Variants in SLC4A10 observed in about 807,000 individuals in gnomAD.
SLC4A10 encodes solute carrier family 4 member 10, also known as sodium-driven chloride bicarbonate exchanger.
In SLC4A10, 42 loss-of-function variants were observed where a neutral mutation model predicts 137.7. That is an observed-to-expected ratio of 0.30 (90% CI 0.24 to 0.39). The LOEUF is 0.39. Ranked by LOEUF, SLC4A10 falls within the 10% of genes least tolerant of loss-of-function variation. The pLI, the probability that SLC4A10 is intolerant of heterozygous loss-of-function variation, is 1.00. For missense variants in SLC4A10, 925 were observed against 1,355.0 expected (o/e 0.68, Z 4.98); for synonymous variants, 474 against 464.1 (o/e 1.02, Z -0.27).
At chr2:161,730,077 C>T (rs1352485349) in intron 1 of SLC4A10, among the ~76,000 whole-genome samples, 1 of 152,080 alleles carries the variant, frequency 6.6e-6, no homozygotes, top group Non-Finnish European at 1.5e-5. Context: ...AGCATTTTAG[C>T]CTCAGGTCTA....
At chr2:161,809,116 G>A (rs1387332680) in intron 3 of SLC4A10, among the ~76,000 whole-genome samples, 2 of 152,102 alleles carry the variant, frequency 1.3e-5, no homozygotes, top group African/African-American at 4.8e-5. Flanking sequence ...TCTGACTGGT[G>A]TGACATGGTA....
chr2:161,964,444 A>G, intron 22 of SLC4A10, 136 bp downstream of exon 22: 1 of 898,202 alleles, frequency 1.1e-6, no homozygotes, highest in Non-Finnish European at 1.7e-6. Context: ...TGGCACTGAA[A>G]GTGTGACTAA....
At chr2:161,956,785 G>T (rs756952627) in intron 19 of SLC4A10, among the ~76,000 whole-genome samples, 11 of 152,188 alleles carry the variant, frequency 7.2e-5, no homozygotes, top group African/African-American at 9.7e-5. Context: ...TAGGCTCCAT[G>T]ATATTATTTT....
At chr2:161,953,479 G>A (rs549025476) in intron 19 of SLC4A10, among the ~76,000 whole-genome samples, 2 of 152,092 alleles carry the variant, frequency 1.3e-5, no homozygotes, top group South Asian at 2.1e-4. Flanking sequence ...GTAGTGGCGG[G>A]CACCTGTAAT....
At chr2:161,807,763 G>C (rs1052698275) in intron 3 of SLC4A10, among the ~76,000 whole-genome samples, 3 of 151,948 alleles carry the variant, frequency 2.0e-5, no homozygotes, top group Non-Finnish European at 4.4e-5. Flanking sequence ...TTAATAGGAA[G>C]CAGCATTTTA....
At chr2:161,942,641 T>C (rs1692925118) in intron 15 of SLC4A10, 151 bp from the exon 16 acceptor site, 2 of 583,102 alleles carry the variant, frequency 3.4e-6, no homozygotes, top group Admixed American at 5.5e-5. Context: ...TTGAAAATAG[T>C]CTGTTGTGGA....
At chr2:161,769,811 A>G (rs1446344276) in intron 1 of SLC4A10, among the ~76,000 whole-genome samples, 2 of 151,770 alleles carry the variant, frequency 1.3e-5, no homozygotes, top group Non-Finnish European at 2.9e-5. Flanking sequence ...TCTTAAATTA[A>G]CAGTAATTTC....
intron 1 of SLC4A10, among the ~76,000 whole-genome samples, chr2:161,654,543 G>A (rs2037248956): frequency 6.6e-6 from 1 of 152,010 alleles, no homozygotes; most frequent in South Asian, 2.1e-4. Context: ...CATCCATTTT[G>A]AGTAAATTTT....
intron 15 of SLC4A10, among the ~76,000 whole-genome samples, chr2:161,941,696 A>T (rs1165785344): frequency 2.6e-5 from 4 of 152,164 alleles, no homozygotes; most frequent in Non-Finnish European, 5.9e-5. Context: ...GCAGCGTAAC[A>T]TGGTTGGTTG....
At chr2:161,750,067 C>CT (rs1435378504) in intron 1 of SLC4A10, among the ~76,000 whole-genome samples, 1 of 151,490 alleles carries the variant, frequency 6.6e-6, no homozygotes, top group African/African-American at 2.4e-5. Flanking sequence ...ACTTGTGATC[C>CT]TTTTTATTTC....
chr2:161,639,919 G>A (rs1440542724), intron 1 of SLC4A10, among the ~76,000 whole-genome samples: 2 of 152,174 alleles, frequency 1.3e-5, no homozygotes, highest in Non-Finnish European at 2.9e-5. Flanking sequence ...CATAAGTGCA[G>A]TAAAATTGCA....
chr2:161,913,961 T>C (rs752076978), intron 15 of SLC4A10, among the ~76,000 whole-genome samples: 17 of 152,230 alleles, frequency 1.1e-4, no homozygotes, highest in Non-Finnish European at 1.9e-4. Flanking sequence ...ATCTCTACTC[T>C]GCTGGATGAT....
At chr2:161,884,516 C>T (rs1294566073) in intron 10 of SLC4A10, among the ~76,000 whole-genome samples, 2 of 152,162 alleles carry the variant, frequency 1.3e-5, no homozygotes, top group Non-Finnish European at 2.9e-5. Context: ...AGAGAAGGGG[C>T]TTCCACCTAT....
intron 15 of SLC4A10, among the ~76,000 whole-genome samples, chr2:161,908,533 A>C (rs1483086275): frequency 1.3e-5 from 2 of 151,208 alleles, no homozygotes; most frequent in Non-Finnish European, 3.0e-5. Flanking sequence ...ACATGTATAC[A>C]TATGTAACAA....
chr2:161,726,200 C>A (rs1372397845), intron 1 of SLC4A10, among the ~76,000 whole-genome samples: 1 of 152,040 alleles, frequency 6.6e-6, no homozygotes, highest in Admixed American at 6.6e-5. Flanking sequence ...AGAAAAATAA[C>A]AATTACAATG....
At chr2:161,895,612 G>C (rs1248509695) in intron 11 of SLC4A10, among the ~76,000 whole-genome samples, 1 of 152,090 alleles carries the variant, frequency 6.6e-6, no homozygotes, top group Non-Finnish European at 1.5e-5. Flanking sequence ...ATTCTAACTG[G>C]TGTGAGATGG....
intron 2 of SLC4A10, among the ~76,000 whole-genome samples, chr2:161,781,122 T>G (rs1365345243): frequency 6.6e-6 from 1 of 152,040 alleles, no homozygotes; most frequent in Non-Finnish European, 1.5e-5. Flanking sequence ...AATAGTATCT[T>G]GAGCTTTCAG....
chr2:161,965,248 T>C, intron 23 of SLC4A10, 75 bp downstream of exon 23: 2 of 1,448,688 alleles, frequency 1.4e-6, no homozygotes, highest in Non-Finnish European at 1.9e-6. Flanking sequence ...ACTAAATTAT[T>C]GTTTTTATCT....
intron 1 of SLC4A10, among the ~76,000 whole-genome samples, chr2:161,629,586 G>C (rs747177146): frequency 9.2e-5 from 14 of 151,868 alleles, no homozygotes; most frequent in African/African-American, 1.2e-4. Context: ...GTTTGCATTA[G>C]GACTTGGTGT....
Sources: gnomAD v4.1 joint callset for allele counts (sites outside exome capture counted in the v4.1 genomes callset) on GRCh38, gnomAD v4.1.1 for gene constraint, MANE v1.5 for transcripts, NCBI Gene and HGNC (gene_info 2026-07-23, HGNC 2026-07-21) for gene names.